SSH2: variants seen among roughly 807,000 people sequenced by gnomAD.
SSH2 encodes the protein protein phosphatase Slingshot homolog 2.
In SSH2, 37 loss-of-function variants were observed where a neutral mutation model predicts 135.2. The observed-to-expected ratio is 0.27, with a 90% CI of 0.21 to 0.36. The LOEUF is 0.36. Ranked by LOEUF, SSH2 falls within the 10% of genes least tolerant of loss-of-function variation. The pLI is 1.00. For missense variants in SSH2, 1,408 were observed against 1,765.3 expected (o/e 0.80, Z 3.63); for synonymous variants, 628 against 646.2 (o/e 0.97, Z 0.43).
chr17:29,700,532 T>A (rs1233500451), intron 4 of SSH2, among the ~76,000 whole-genome samples: 1 of 151,970 alleles, frequency 6.6e-6, no homozygotes, highest in Non-Finnish European at 1.5e-5. Context: ...AAAACAAGAG[T>A]CTTATACTCA....
intron 3 of SSH2, among the ~76,000 whole-genome samples, chr17:29,727,901 C>T (rs971464512): frequency 6.6e-6 from 1 of 152,208 alleles, no homozygotes; most frequent in Non-Finnish European, 1.5e-5. Context: ...TGTTTGCAGG[C>T]CAGGCGCGAT....
intron 2 of SSH2, among the ~76,000 whole-genome samples, chr17:29,806,390 T>C (rs1479930838): frequency 2.0e-5 from 3 of 152,208 alleles, no homozygotes; most frequent in Non-Finnish European, 4.4e-5. Context: ...TAACACCTTC[T>C]ACCAGAACAG....
intron 3 of SSH2, among the ~76,000 whole-genome samples, chr17:29,738,554 TA>T (rs1567933105): frequency 1.4e-5 from 2 of 147,826 alleles, no homozygotes. Flanking sequence ...TTTTTTATTT[TA>T]TTTTATTTTT....
At chr17:29,811,188 G>A (rs1231854293) in intron 2 of SSH2, among the ~76,000 whole-genome samples, 1 of 152,014 alleles carries the variant, frequency 6.6e-6, no homozygotes, top group Non-Finnish European at 1.5e-5. Flanking sequence ...TAGAGATGGA[G>A]TTTTGCCATG....
intron 2 of SSH2, among the ~76,000 whole-genome samples, chr17:29,829,464 T>TTGTGTG (rs113871041): frequency 3.9e-4 from 58 of 149,828 alleles, no homozygotes; most frequent in African/African-American, 9.1e-4. Flanking sequence ...TGTCGATGGC[T>TTGTGTG]TGTGTGTGTG....
At chr17:29,914,377 C>A (rs531702724) in intron 1 of SSH2, among the ~76,000 whole-genome samples, 3 of 151,870 alleles carry the variant, frequency 2.0e-5, no homozygotes, top group Non-Finnish European at 2.9e-5. Context: ...CTGGGCAACA[C>A]AGCGAGACCA....
intron 3 of SSH2, among the ~76,000 whole-genome samples, chr17:29,786,964 C>T (rs147548140): frequency 3.5e-4 from 53 of 152,286 alleles, no homozygotes; most frequent in African/African-American, 1.3e-3. Flanking sequence ...GGCATAAATA[C>T]ATTGTTTCTT....
At chr17:29,675,068 A>G (rs184036561) in intron 8 of SSH2, among the ~76,000 whole-genome samples, 29 of 152,344 alleles carry the variant, frequency 1.9e-4, no homozygotes, top group Admixed American at 1.3e-3. Context: ...TTAGGAATAG[A>G]TAAGTCAATT....
chr17:29,647,136 C>T (rs1160610439), intron 14 of SSH2, among the ~76,000 whole-genome samples: 2 of 151,750 alleles, frequency 1.3e-5, no homozygotes, highest in African/African-American at 4.8e-5. Context: ...GTGGCGGGCA[C>T]CTGTAGTCCC....
At chr17:29,781,184 T>C (rs1035617287) in intron 3 of SSH2, among the ~76,000 whole-genome samples, 5 of 152,178 alleles carry the variant, frequency 3.3e-5, no homozygotes, top group Non-Finnish European at 7.4e-5. Context: ...CTAGAACATA[T>C]ACTGAGGCAG....
chr17:29,717,817 T>G (rs1367704076), intron 3 of SSH2, among the ~76,000 whole-genome samples: 1 of 152,128 alleles, frequency 6.6e-6, no homozygotes, highest in Non-Finnish European at 1.5e-5. Flanking sequence ...GAAGGATCAC[T>G]TGAGCCCAGG....
intron 2 of SSH2, among the ~76,000 whole-genome samples, chr17:29,816,886 T>C (rs1370174949): frequency 6.6e-6 from 1 of 152,158 alleles, no homozygotes; most frequent in African/African-American, 2.4e-5. Context: ...CACTCCTGGT[T>C]TTATTAATGA....
chr17:29,910,570 C>T (rs1314434786), intron 1 of SSH2, among the ~76,000 whole-genome samples: 1 of 152,116 alleles, frequency 6.6e-6, no homozygotes, highest in Non-Finnish European at 1.5e-5. Flanking sequence ...TCTTCTTAGA[C>T]ATATGTGTCA....
At chr17:29,652,858 G>A (rs760186864) in intron 12 of SSH2, among the ~76,000 whole-genome samples, 9 of 152,110 alleles carry the variant, frequency 5.9e-5, no homozygotes, top group African/African-American at 1.7e-4. Context: ...CTGTTTCACC[G>A]TGTTGGCCAG....
At chr17:29,638,279 T>C (rs1426775995) in intron 14 of SSH2, among the ~76,000 whole-genome samples, 1 of 135,888 alleles carries the variant, frequency 7.4e-6, no homozygotes, top group East Asian at 2.1e-4. Flanking sequence ...TCTTCTGTGG[T>C]AAGAAAAAAA....
At chr17:29,841,372 A>G (rs2043038518) in intron 2 of SSH2, among the ~76,000 whole-genome samples, 1 of 152,370 alleles carries the variant, frequency 6.6e-6, no homozygotes, top group Non-Finnish European at 1.5e-5. Flanking sequence ...CTCCCTAGCA[A>G]TGTTGACACA....
At chr17:29,673,839 T>G (rs1598769467) in intron 8 of SSH2, 1 of 312,436 alleles carries the variant, frequency 3.2e-6, no homozygotes, top group South Asian at 2.8e-5. Flanking sequence ...CCATGTCAAA[T>G]ATTTTTCAAC....
chr17:29,806,661 G>A (rs1567985689), intron 2 of SSH2, among the ~76,000 whole-genome samples: 1 of 152,194 alleles, frequency 6.6e-6, no homozygotes, highest in South Asian at 2.1e-4. Flanking sequence ...AATGCCTAGT[G>A]CAGCAGGGGA....
chr17:29,716,662 T>C (rs2039636634), intron 3 of SSH2: 1 of 646,092 alleles, frequency 1.5e-6, no homozygotes, highest in Admixed American at 1.8e-5. Context: ...ATCGGGTGCC[T>C]CTCCTCTTTC....
Sources: allele counts gnomAD v4.1 joint callset (sites outside exome capture counted in the v4.1 genomes callset), GRCh38; gene constraint gnomAD v4.1.1; transcripts MANE v1.5; gene names NCBI Gene and HGNC (gene_info 2026-07-23, HGNC 2026-07-21).